PPP2R2B: variants seen among roughly 807,000 people sequenced by gnomAD.
PPP2R2B encodes the protein protein phosphatase 2 regulatory subunit Bbeta.
A neutral mutation model predicts 46.0 loss-of-function variants in PPP2R2B; 5 were observed. That is an observed-to-expected ratio of 0.11 (90% CI 0.06 to 0.23). PPP2R2B has a LOEUF of 0.23. Ranked by LOEUF, PPP2R2B falls within the 10% of genes least tolerant of loss-of-function variation. PPP2R2B has a pLI of 1.00. For missense variants in PPP2R2B, 367 were observed against 575.0 expected, an observed-to-expected ratio of 0.64 and a Z score of 3.70; for synonymous variants, 215 against 206.7, an observed-to-expected ratio of 1.04 and a Z score of -0.34.
intron 1 of PPP2R2B, among the ~76,000 whole-genome samples, chr5:146,901,308 T>G (rs1359417215): frequency 1.3e-5 from 2 of 152,084 alleles, no homozygotes; most frequent in Non-Finnish European, 2.9e-5. Context: ...AAGACCAGCT[T>G]GGGTAACATA....
intron 1 of PPP2R2B, among the ~76,000 whole-genome samples, chr5:146,904,209 A>C (rs954365384): frequency 6.6e-6 from 1 of 152,192 alleles, no homozygotes; most frequent in East Asian, 1.9e-4. Context: ...CTGGTGCCTA[A>C]GAAGGAGAAA....
intron 1 of PPP2R2B, among the ~76,000 whole-genome samples, chr5:147,001,397 C>G (rs1754166913): frequency 6.6e-6 from 1 of 151,692 alleles, no homozygotes; most frequent in Non-Finnish European, 1.5e-5. Context: ...AGAAACAACT[C>G]CAGACACGCC....
intron 1 of PPP2R2B, among the ~76,000 whole-genome samples, chr5:146,933,307 G>A (rs979116466): frequency 1.3e-5 from 2 of 151,980 alleles, no homozygotes; most frequent in African/African-American, 4.8e-5. Flanking sequence ...GTTGCTCTTT[G>A]GTTAAGTAGA....
At chr5:146,633,471 C>T (rs1314056470) in intron 7 of PPP2R2B, among the ~76,000 whole-genome samples, 1 of 152,238 alleles carries the variant, frequency 6.6e-6, no homozygotes, top group African/African-American at 2.4e-5. Flanking sequence ...CTTGTTTTCC[C>T]AGCTGGCAGG....
At chr5:146,809,064 A>G (rs991607709) in intron 2 of PPP2R2B, among the ~76,000 whole-genome samples, 3 of 152,118 alleles carry the variant, frequency 2.0e-5, no homozygotes, top group African/African-American at 7.2e-5. Flanking sequence ...ACAAAAAGAC[A>G]TACCAAGGAC....
At chr5:146,792,070 T>C (rs1756236125) in intron 2 of PPP2R2B, among the ~76,000 whole-genome samples, 1 of 152,134 alleles carries the variant, frequency 6.6e-6, no homozygotes, top group South Asian at 2.1e-4. Context: ...TGGCAGACAA[T>C]TTTCTACCAC....
intron 2 of PPP2R2B, chr5:146,707,185 T>C: frequency 6.3e-7 from 1 of 1,579,596 alleles, no homozygotes; most frequent in Admixed American, 1.7e-5. Flanking sequence ...GCTGTTGATG[T>C]AGCTCTCGAA....
chr5:146,871,294 T>C (rs184131575), intron 2 of PPP2R2B, among the ~76,000 whole-genome samples: 41 of 152,316 alleles, frequency 2.7e-4, no homozygotes, highest in African/African-American at 9.9e-4. Context: ...CATATTTCTC[T>C]TGCTGTGGCC....
At chr5:146,983,494 G>A (rs1004395788) in intron 1 of PPP2R2B, among the ~76,000 whole-genome samples, 1 of 151,956 alleles carries the variant, frequency 6.6e-6, no homozygotes, top group Non-Finnish European at 1.5e-5. Flanking sequence ...GCGTTTCTTT[G>A]TATACCTTTT....
intron 1 of PPP2R2B, among the ~76,000 whole-genome samples, chr5:146,885,616 T>C (rs1762295938): frequency 1.3e-5 from 2 of 152,210 alleles, no homozygotes; most frequent in African/African-American, 4.8e-5. Context: ...TTCACTTCTA[T>C]GTATATATTG....
At chr5:147,014,611 T>G (rs1443436697) in intron 1 of PPP2R2B, among the ~76,000 whole-genome samples, 8 of 151,864 alleles carry the variant, frequency 5.3e-5, no homozygotes, top group Non-Finnish European at 1.0e-4. Flanking sequence ...TTGGAAAACA[T>G]CATTCTCAGT....
intron 5 of PPP2R2B, among the ~76,000 whole-genome samples, chr5:146,681,997 C>A (rs907523802): frequency 6.6e-6 from 1 of 152,120 alleles, no homozygotes; most frequent in African/African-American, 2.4e-5. Flanking sequence ...GGGAGGTGTC[C>A]TTTATTAGTT....
intron 2 of PPP2R2B, among the ~76,000 whole-genome samples, chr5:146,799,976 A>T (rs1756766592): frequency 6.6e-6 from 1 of 152,254 alleles, no homozygotes; most frequent in South Asian, 2.1e-4. Flanking sequence ...GAAACAGATT[A>T]TGGGAATTGC....
intron 1 of PPP2R2B, among the ~76,000 whole-genome samples, chr5:147,023,722 T>C (rs966673626): frequency 2.6e-5 from 4 of 152,132 alleles, no homozygotes; most frequent in African/African-American, 9.7e-5. Flanking sequence ...TTTCTGAGTG[T>C]GTCTGCAAGG....
At chr5:146,880,561 C>T (rs1201112451), upstream of PPP2R2B, among the ~76,000 whole-genome samples, 5 of 152,054 alleles carry the variant, frequency 3.3e-5, no homozygotes, top group African/African-American at 9.7e-5. Flanking sequence ...ATTGTGCCTT[C>T]GGTTGGAATG....
intron 8 of PPP2R2B, among the ~76,000 whole-genome samples, chr5:146,595,532 G>A (rs1771090073): frequency 6.6e-6 from 1 of 152,164 alleles, no homozygotes; most frequent in Admixed American, 6.5e-5. Context: ...GATAGAAGTT[G>A]GGATAGATTC....
At chr5:146,776,284 G>A (rs557591152) in intron 2 of PPP2R2B, among the ~76,000 whole-genome samples, 66 of 152,146 alleles carry the variant, frequency 4.3e-4, no homozygotes, top group African/African-American at 1.5e-3. Context: ...AAAATGATGT[G>A]GTACAGGGAT....
chr5:146,678,202 G>C (rs1219068065), intron 5 of PPP2R2B, among the ~76,000 whole-genome samples: 1 of 152,094 alleles, frequency 6.6e-6, no homozygotes, highest in Non-Finnish European at 1.5e-5. Flanking sequence ...CCATGATCAA[G>C]TGGGCTTCAT....
At chr5:146,896,955 C>T (rs1052413960) in intron 1 of PPP2R2B, among the ~76,000 whole-genome samples, 1 of 151,984 alleles carries the variant, frequency 6.6e-6, no homozygotes, top group Non-Finnish European at 1.5e-5. Flanking sequence ...GGTAATGATC[C>T]TCCTTGATTT....
Sources: gnomAD v4.1 joint callset for allele counts (sites outside exome capture counted in the v4.1 genomes callset) on GRCh38, gnomAD v4.1.1 for gene constraint, MANE v1.5 for transcripts, NCBI Gene and HGNC (gene_info 2026-07-23, HGNC 2026-07-21) for gene names.